The following PACSIN1 variants were observed in gnomAD, a reference collection of about 807,000 sequenced individuals.
PACSIN1 encodes the protein protein kinase C and casein kinase substrate in neurons protein 1.
A neutral mutation model predicts 59.5 loss-of-function variants in PACSIN1; 15 were observed. That is an observed-to-expected ratio of 0.25 (90% CI 0.17 to 0.39). PACSIN1 has a LOEUF of 0.39. PACSIN1 is among the 10% of genes least tolerant of loss of function. PACSIN1 has a pLI of 1.00. For missense variants in PACSIN1, 420 were observed against 580.2 expected, an observed-to-expected ratio of 0.72 and a Z score of 2.84; for synonymous variants, 210 against 220.6, an observed-to-expected ratio of 0.95 and a Z score of 0.42.
At chr6:34,512,336 G>A (rs894223380) in intron 1 of PACSIN1, among the ~76,000 whole-genome samples, 1 of 145,070 alleles carries the variant, frequency 6.9e-6, no homozygotes, top group Admixed American at 7.0e-5. Flanking sequence ...AGCAGATGGG[G>A]CTGGATCAGG....
At chr6:34,499,159 G>A (rs1766989430) in intron 1 of PACSIN1, among the ~76,000 whole-genome samples, 1 of 152,078 alleles carries the variant, frequency 6.6e-6, no homozygotes, top group African/African-American at 2.4e-5. Flanking sequence ...ATGGGAGACA[G>A]TGACAGATCA....
intron 1 of PACSIN1, among the ~76,000 whole-genome samples, chr6:34,506,924 G>A (rs1226175538): frequency 6.6e-6 from 1 of 152,114 alleles, no homozygotes; most frequent in Non-Finnish European, 1.5e-5. Flanking sequence ...TGGCGGTGGG[G>A]GATGGGGCTC....
chr6:34,478,062 T>C (rs780640873), intron 1 of PACSIN1, among the ~76,000 whole-genome samples: 34 of 107,210 alleles, frequency 3.2e-4, no homozygotes, highest in Admixed American at 2.7e-3. Flanking sequence ...CCCTTTATCC[T>C]TTTTTTTTTT....
At chr6:34,467,664 T>C (rs182811448) in intron 1 of PACSIN1, among the ~76,000 whole-genome samples, 28 of 150,606 alleles carry the variant, frequency 1.9e-4, no homozygotes, top group Middle Eastern at 3.4e-3. Flanking sequence ...GTTCAAGCGA[T>C]TCTCCTGCCT....
Position 34,525,561 on chromosome 6 carries a change from T to G in PACSIN1, c.-63-682T>G, listed in dbSNP as rs1474843858. On this transcript the variant is annotated intron_variant, in intron 1 of 9. Coordinates refer to ENST00000244458, the MANE Select transcript of PACSIN1 (RefSeq NM_020804.5). The surrounding 1 kb of genome is among the most constrained non-coding windows in gnomAD (Gnocchi z 4.9). ...TCAGGGCCAGGCGCAGCCTGGACTCTGCTGCCTCTTTGAAAACCAGGCCCT... is the reference window on the plus strand; with the variant it reads ...TCAGGGCCAGGCGCAGCCTGGACTCGGCTGCCTCTTTGAAAACCAGGCCCT... Among the ~76,000 whole-genome samples the G allele has an allele frequency of 1.3e-5, 2 of 152,236 alleles. No individual in the cohort carries two copies. The highest frequency in any genetic ancestry group is 4.8e-5 in the African/African-American group (2 of 41,458).
At chr6:34,485,351 G>A (rs1766777490) in intron 1 of PACSIN1, among the ~76,000 whole-genome samples, 2 of 152,286 alleles carry the variant, frequency 1.3e-5, no homozygotes, top group African/African-American at 4.8e-5. Context: ...GAAGCAGGAG[G>A]GCTCATTAGG....
At chr6:34,482,189 CG>C (rs1561956960) in intron 1 of PACSIN1, among the ~76,000 whole-genome samples, 1 of 151,886 alleles carries the variant, frequency 6.6e-6, no homozygotes. Flanking sequence ...TGGATTCAAG[CG>C]ATTCTCCTGC....
At chr6:34,519,482 T>C (rs1028674620) in intron 1 of PACSIN1, among the ~76,000 whole-genome samples, 1 of 151,968 alleles carries the variant, frequency 6.6e-6, no homozygotes, top group African/African-American at 2.4e-5. Context: ...CTTCCTTTCA[T>C]GGGGGACCTG....
At position 34,477,687 on chromosome 6, in the gene PACSIN1, G is replaced by A. The variant is rs1239609997; in HGVS notation, c.-64+11417G>A. ...AGAACTATTCCTCTTCACCTATTTT[G>A]TTATTCTGAAACATGGTGCATACTG... On this transcript the variant is annotated intron_variant, in intron 1 of 9. Transcript: ENST00000244458. Among the ~76,000 whole-genome samples, 5 of 152,258 alleles carry A rather than the reference G, an allele frequency of 3.3e-5. No individual in the cohort carries two copies. The South Asian group carries it at 8.3e-4, about 25-fold the overall frequency.
At chr6:34,490,294 T>C (rs1766857722) in intron 1 of PACSIN1, among the ~76,000 whole-genome samples, 1 of 139,788 alleles carries the variant, frequency 7.2e-6, no homozygotes, top group Non-Finnish European at 1.5e-5. Context: ...CTTGAACTCC[T>C]AGGCCCAAGG....
At chr6:34,528,470 G>T (rs1296030455) in intron 3 of PACSIN1, among the ~76,000 whole-genome samples, 172 bp from the exon 4 acceptor site, 1 of 152,204 alleles carries the variant, frequency 6.6e-6, no homozygotes, top group Non-Finnish European at 1.5e-5. Flanking sequence ...GTCAGGGAAG[G>T]CTTCCTGGAG....
chr6:34,524,119 C>A (rs1027372236), intron 1 of PACSIN1, among the ~76,000 whole-genome samples: 43 of 152,156 alleles, frequency 2.8e-4, no homozygotes, highest in African/African-American at 9.7e-4. Context: ...ACGTTACCTG[C>A]CAATACCAAG....
chr6:34,499,673 G>A (rs1766995714), intron 1 of PACSIN1, among the ~76,000 whole-genome samples: 1 of 151,970 alleles, frequency 6.6e-6, no homozygotes, highest in Non-Finnish European at 1.5e-5. Context: ...ACGGGCACCT[G>A]TAATCCCAGG....
rs55848755 is a variant in PACSIN1 at position 34,502,031 on chromosome 6, C to CAAAAAAA, written c.-63-24197_-63-24191dup. 3.5e-3 allele frequency among the ~76,000 whole-genome samples: 238 copies of CAAAAAAA among 67,220 alleles called. 2 individuals are homozygous for CAAAAAAA. Among genetic ancestry groups the CAAAAAAA allele is most frequent in the African/African-American group, 0.012 (223 of 19,150 alleles). The allele number at this position is 67,220 out of a possible 152,430, so 44.1% of individuals were successfully genotyped here. On this transcript the variant is annotated intron_variant, in intron 1 of 9. Coordinates refer to ENST00000244458, the MANE Select transcript of PACSIN1 (RefSeq NM_020804.5). ...CAGGAGACAGTGCAAGACTCTGTCT[C>CAAAAAAA]AAAAAAAAAAAAAAAAAAAAAGCAA...
chr6:34,504,164 A>T (rs1432177943), intron 1 of PACSIN1, among the ~76,000 whole-genome samples: 6 of 151,310 alleles, frequency 4.0e-5, no homozygotes, highest in Non-Finnish European at 5.9e-5. Context: ...TACTTCCCTT[A>T]AGTTTCTTTA....
intron 1 of PACSIN1, among the ~76,000 whole-genome samples, chr6:34,501,647 G>A (rs1767025221): frequency 1.3e-5 from 2 of 152,294 alleles, no homozygotes; most frequent in South Asian, 4.1e-4. Flanking sequence ...CTCTTTGATG[G>A]TGGCGTGATA....
intron 1 of PACSIN1, among the ~76,000 whole-genome samples, chr6:34,491,564 A>G (rs905672767): frequency 6.6e-6 from 1 of 151,678 alleles, no homozygotes; most frequent in Non-Finnish European, 1.5e-5. Flanking sequence ...CACCACGTAT[A>G]AGAGGAGAGG....
rs1020164291 is a variant in PACSIN1, at chr6:34,525,321, G to T, written c.-63-922G>T. Among the ~76,000 whole-genome samples, 1 of 152,178 alleles carries T rather than the reference G, an allele frequency of 6.6e-6. No individual in the cohort carries two copies. On this transcript the variant is annotated intron_variant, in intron 1 of 9. Transcript: ENST00000244458. This position sits in a 1 kb window ranked among gnomAD's most constrained non-coding sequence, Gnocchi z 4.9. ...GCCCTGGACAGATGGGGAGCCCTAGGGGGAGGGACATCCTCCACCAACCAT... is the reference window on the plus strand; with the variant it reads ...GCCCTGGACAGATGGGGAGCCCTAGTGGGAGGGACATCCTCCACCAACCAT...
intron 1 of PACSIN1, among the ~76,000 whole-genome samples, chr6:34,507,723 C>A (rs1048600943): frequency 6.6e-6 from 1 of 152,176 alleles, no homozygotes; most frequent in Non-Finnish European, 1.5e-5. Flanking sequence ...CTCCCCTCAG[C>A]CTCTGGCAAC....
Sources: allele counts gnomAD v4.1 joint callset (sites outside exome capture counted in the v4.1 genomes callset), GRCh38; gene constraint gnomAD v4.1.1; non-coding constraint Gnocchi (gnomAD v3.1); transcripts MANE v1.5; gene names NCBI Gene and HGNC (gene_info 2026-07-23, HGNC 2026-07-21).